The following ITGA2B variants were observed in gnomAD, a reference collection of about 807,000 sequenced individuals.
The protein encoded by ITGA2B is integrin subunit alpha 2b.
Under a neutral mutation model 142.0 loss-of-function variants are expected in ITGA2B, and 91 were observed. The observed-to-expected ratio is 0.64, with a 90% CI of 0.54 to 0.76. The LOEUF is 0.76. Among genes scored for constraint, ITGA2B ranks in the 30% least tolerant of loss-of-function variants. The pLI is 0.00. For missense variants in ITGA2B, 1,231 were observed against 1,350.8 expected, an observed-to-expected ratio of 0.91 and a Z score of 1.39; for synonymous variants, 536 against 567.2, an observed-to-expected ratio of 0.94 and a Z score of 0.78.
chr17:44,384,563 C>G lies in ITGA2B; in HGVS notation c.822G>C (p.Glu274Asp), dbSNP rs767428437. Residue 274 changes from glutamate to aspartate, a missense_variant, in exon 8 of 30, where the codon GAG becomes GAC. Physicochemically the swap from Glu to Asp is conservative, Grantham distance 45. Coordinates refer to ENST00000262407, the MANE Select transcript of ITGA2B (RefSeq NM_000419.5). ...GYWGYSVAVG[E>D]FDGDLNTTEY... ...CTGTAGTGTTGAGATCCCCGTCGAA[C>G]TCGCCCACGGCCACCGAGTACCCTG... The G allele has an allele frequency of 8.7e-6, 14 of 1,613,978 alleles. No individual in the cohort carries two copies. The Admixed American group carries it at 2.3e-4, about 27-fold the overall frequency.
At position 44,376,116 on chromosome 17, in the gene ITGA2B, C is replaced by T. The variant is rs1189791675; in HGVS notation, c.2417G>A (p.Ser806Asn). 6.2e-6 allele frequency: 10 copies of T among 1,614,044 alleles called. No individual in the cohort carries two copies. The highest frequency in any genetic ancestry group is 8.5e-6 in the Non-Finnish European group (10 of 1,180,032). The change falls in exon 24 of 30, where the codon AGC (serine) becomes AAC (asparagine). Residue 806 changes from serine to asparagine, a missense_variant. Transcript: ENST00000262407. Reference sequence around the variant, plus strand: ...GGTGTGCTCCACTTTGGGTCCCCAGCTGTCCAAGCTGTTCTGCTCCCTCTC... The same window carrying T: ...GGTGTGCTCCACTTTGGGTCCCCAGTTGTCCAAGCTGTTCTGCTCCCTCTC... Reference protein sequence around the residue: ...EGEREQNSLDSWGPKVEHTYE... With the variant: ...EGEREQNSLDNWGPKVEHTYE...
chr17:44,375,872 GC>G lies in ITGA2B; in HGVS notation c.2561del (p.Gly854AlafsTer56), dbSNP rs1567898633. On this transcript the variant is annotated frameshift_variant, in exon 25 of 30. Transcript: ENST00000262407. LOFTEE classifies it high-confidence loss of function. Reference sequence around the variant, plus strand: ...CAGGAGGCTGTGGGAAGCACTGAAGGCCCCCCTGGGGCTGTATATCCAGGAT... The same window carrying G: ...CAGGAGGCTGTGGGAAGCACTGAAGGCCCCCTGGGGCTGTATATCCAGGAT... ...LYILDIQPQG[G>X]LQCFPQPPVN... 6.2e-7 allele frequency: 1 copy of G among 1,601,652 alleles called. No individual in the cohort carries two copies.
At position 44,378,454 on chromosome 17, in the gene ITGA2B, C is replaced by T. The variant is rs149991452; in HGVS notation, c.2002G>A (p.Ala668Thr). 391 of 1,613,574 alleles carry T rather than the reference C, an allele frequency of 2.4e-4. 1 individual carries two copies. Among genetic ancestry groups the T allele is most frequent in the Non-Finnish European group, 3.1e-4 (364 of 1,179,898 alleles). ...TAGGCCCCCTCGCCCTCGTTGGCTGCGTCCATCTGCAGCTCCAGGACATTA... is the reference window on the plus strand; with the variant it reads ...TAGGCCCCCTCGCCCTCGTTGGCTGTGTCCATCTGCAGCTCCAGGACATTA... ...ADNVLELQMD[A>T]ANEGEGAYEA... Residue 668 changes from alanine (A) to threonine (T), a missense_variant, in exon 20 of 30, where the codon GCA becomes ACA. Around this residue, in one of 3 missense-constraint regions of ITGA2B, gnomAD observed 908 missense variants for 1,021.1 expected, o/e 0.89. Coordinates refer to ENST00000262407, the MANE Select transcript of ITGA2B (RefSeq NM_000419.5).
chr17:44,376,504 C>T, intron 22 of ITGA2B, 116 bp from the exon 23 acceptor site: 2 of 896,118 alleles, frequency 2.2e-6, no homozygotes, highest in South Asian at 1.4e-5. Context: ...AAGAGCATGC[C>T]ACACTGAAGT....
At chr17:44,377,327 C>A (rs1485579091) in intron 21 of ITGA2B, among the ~76,000 whole-genome samples, 1 of 152,138 alleles carries the variant, frequency 6.6e-6, no homozygotes, top group East Asian at 1.9e-4. Context: ...TCCCGAGTAG[C>A]TCTGACTATA....
Position 44,389,466 on chromosome 17 carries a change from CT to C in ITGA2B, c.7del (p.Arg3GlufsTer30). On this transcript the variant is annotated frameshift_variant, in exon 1 of 30. Coordinates refer to ENST00000262407, the MANE Select transcript of ITGA2B (RefSeq NM_000419.5). MARALCPLQALWL... is the reference protein window; with the variant it reads MAXALCPLQALWL... ...GAGGGCTTGCAGTGGACACAAAGCT[CT>C]GGCCATCTTCCTTCTTCCACAACCT... 6.2e-7 allele frequency: 1 copy of C among 1,613,472 alleles called. No individual in the cohort carries two copies. The highest frequency in any genetic ancestry group is 8.5e-7 in the Non-Finnish European group (1 of 1,179,950).
At chr17:44,374,078 G>C (rs1214919410) in intron 29 of ITGA2B, 1 of 410,242 alleles carries the variant, frequency 2.4e-6, no homozygotes, top group Non-Finnish European at 4.6e-6. Flanking sequence ...GCTAATTTTG[G>C]TATTTTTAGT....
intron 24 of ITGA2B, 33 bp downstream of exon 24, chr17:44,376,052 C>T (rs370257339): frequency 1.7e-5 from 27 of 1,613,990 alleles, no homozygotes; most frequent in Non-Finnish European, 2.3e-5. Context: ...AGGACCCGCT[C>T]ACCCCAGCCA....
At position 44,385,990 on chromosome 17, in the gene ITGA2B, T is replaced by C; in HGVS notation, c.310+20A>G. ...CACGTCCCTCTGACCCCAACCTTGC[T>C]CTCCTTGCCTGGGACTCACGGAGGT... On this transcript the variant is annotated intron_variant, in intron 2 of 29. Coordinates refer to ENST00000262407, the MANE Select transcript of ITGA2B (RefSeq NM_000419.5). 6.2e-7 allele frequency: 1 copy of C among 1,614,014 alleles called. No homozygotes were observed. Among genetic ancestry groups the C allele is most frequent in the Non-Finnish European group, 8.5e-7 (1 of 1,179,996 alleles).
chr17:44,374,348 C>T lies in ITGA2B; in HGVS notation c.3060+6G>A, dbSNP rs751346228. The T allele has an allele frequency of 1.9e-6, 3 of 1,613,268 alleles. No homozygotes were observed. Among genetic ancestry groups the T allele is most frequent in the Non-Finnish European group, 2.5e-6 (3 of 1,179,250 alleles). ...GCTGGGGACTCCACCGTCCTTCACA[C>T]CTCACCTTCCACATGGCCAGGACCA... On this transcript the variant is annotated splice_donor_region_variant and intron_variant, in intron 29 of 29. Coordinates refer to ENST00000262407, the MANE Select transcript of ITGA2B (RefSeq NM_000419.5).
At position 44,384,534 on chromosome 17, in the gene ITGA2B, T is replaced by C. The variant is rs1387224924; in HGVS notation, c.847+4A>G. On this transcript the variant is annotated splice_donor_region_variant and intron_variant, in intron 8 of 29. Transcript: ENST00000262407. ...CCAACTCCCGCCCTAAGTGGATTTC[T>C]TGCCTGTAGTGTTGAGATCCCCGTC... 1.9e-6 allele frequency: 3 copies of C among 1,614,018 alleles called. No individual in the cohort carries two copies. In the South Asian group the frequency reaches 3.3e-5, roughly 18 times the overall value.
In ITGA2B at chr17:44,383,541, C is replaced by T. The variant is rs774609204; in HGVS notation, c.1162G>A (p.Gly388Ser). ...TCGCCCAGGGGTGCGATGGCAGAGC[C>T]GAATCGCCCATAGAGCTGTGTGCCA... ...LTGTQLYGRF[G>S]SAIAPLGDLD... Residue 388 changes from glycine to serine, a missense_variant, in exon 12 of 30, where the codon GGC becomes AGC. Gly to Ser is a moderately conservative substitution (Grantham distance 56). Coordinates refer to ENST00000262407, the MANE Select transcript of ITGA2B (RefSeq NM_000419.5). 1.2e-6 allele frequency: 2 copies of T among 1,611,696 alleles called. No individual in the cohort carries two copies. Among genetic ancestry groups the T allele is most frequent in the South Asian group, 1.1e-5 (1 of 90,832 alleles).
At chr17:44,372,958 G>A (rs2048509796) in intron 29 of ITGA2B, among the ~76,000 whole-genome samples, 1 of 151,952 alleles carries the variant, frequency 6.6e-6, no homozygotes, top group African/African-American at 2.4e-5. Context: ...TTAGAGACAG[G>A]GTCTTTCTGT....
intron 1 of ITGA2B, among the ~76,000 whole-genome samples, chr17:44,388,412 A>G (rs1280065246): frequency 6.9e-6 from 1 of 144,622 alleles, no homozygotes; most frequent in Admixed American, 7.1e-5. Flanking sequence ...GCTGGAGTGC[A>G]ATGGCATGAT....
intron 12 of ITGA2B, 152 bp downstream of exon 12, chr17:44,383,341 C>T: frequency 2.8e-6 from 2 of 721,276 alleles, no homozygotes; most frequent in South Asian, 1.6e-5. Context: ...TTCAACTCTC[C>T]CATCTGCTCT....
chr17:44,385,730 A>G lies in ITGA2B; in HGVS notation c.409-14T>C, dbSNP rs2048642443. ...GGGGGCGCAGGCCTGGAGAAAGGCC[A>G]CAGGAGTGGGGACGGGCGCGAGACT... is the stretch of plus-strand genomic sequence containing the variant. On this transcript the variant is annotated splice_polypyrimidine_tract_variant and intron_variant, in intron 3 of 29. Coordinates refer to ENST00000262407, the MANE Select transcript of ITGA2B (RefSeq NM_000419.5). 1 of 1,613,610 alleles carries G rather than the reference A, an allele frequency of 6.2e-7. No homozygotes were observed. Among genetic ancestry groups the G allele is most frequent in the Non-Finnish European group, 8.5e-7 (1 of 1,179,984 alleles).
In ITGA2B at chr17:44,389,270, T is replaced by C; in HGVS notation, c.188+16A>G. 1 of 1,613,988 alleles carries C rather than the reference T, an allele frequency of 6.2e-7. No individual in the cohort carries two copies. On this transcript the variant is annotated intron_variant, in intron 1 of 29. Coordinates refer to ENST00000262407, the MANE Select transcript of ITGA2B (RefSeq NM_000419.5). ...TCCTGCTCTCTCCCAATACCCCAAC[T>C]TCCCTTACGGCTCACCTCCCATGGC...
chr17:44,384,404 C>A, intron 8 of ITGA2B, 50 bp from the exon 9 acceptor site: 2 of 1,610,428 alleles, frequency 1.2e-6, no homozygotes, highest in African/African-American at 1.3e-5. Flanking sequence ...TAGAACCTAC[C>A]CACTTCCCGC....
At chr17:44,380,528 G>A (rs776964749) in intron 14 of ITGA2B, 38 bp from the exon 15 acceptor site, 4 of 1,613,694 alleles carry the variant, frequency 2.5e-6, no homozygotes, top group Non-Finnish European at 3.4e-6. Context: ...TTGCCATTGT[G>A]GCTCCTCCTG....
Sources: gnomAD v4.1 joint callset for allele counts (sites outside exome capture counted in the v4.1 genomes callset) on GRCh38, gnomAD v4.1.1 for gene constraint, gnomAD v4.1.1 regional missense constraint, MANE v1.5 for transcripts, NCBI Gene and HGNC (gene_info 2026-07-23, HGNC 2026-07-21) for gene names.